Variants in TBC1D1 observed in about 807,000 individuals in gnomAD.
TBC1D1 encodes the protein TBC1 domain family member 1.
TBC1D1 carries 89 observed loss-of-function variants against 125.6 expected under a neutral mutation model. That is an observed-to-expected ratio of 0.71 (90% confidence interval 0.60 to 0.85). The LOEUF (loss-of-function observed/expected upper bound fraction) is 0.85. TBC1D1 is among the 40% of genes least tolerant of loss of function. The pLI is 0.00. For synonymous variants in TBC1D1, 565 were observed against 564.1 expected (o/e 1.00, Z -0.02); for missense variants, 1,377 against 1,469.2 (o/e 0.94, Z 1.03).
At chr4:38,098,107 T>C (rs1309649976) in intron 14 of TBC1D1, among the ~76,000 whole-genome samples, 3 of 152,228 alleles carry the variant, frequency 2.0e-5, no homozygotes, top group African/African-American at 4.8e-5. Flanking sequence ...AGTGTGACTT[T>C]AGCAGGTACC....
intron 2 of TBC1D1, among the ~76,000 whole-genome samples, chr4:37,950,275 T>G (rs958648071): frequency 1.3e-5 from 2 of 152,146 alleles, no homozygotes; most frequent in Non-Finnish European, 2.9e-5. Context: ...GTAAAATGGG[T>G]ATTGTCACAG....
chr4:38,075,041 G>A (rs1468165660), intron 12 of TBC1D1, among the ~76,000 whole-genome samples: 2 of 152,162 alleles, frequency 1.3e-5, no homozygotes, highest in African/African-American at 4.8e-5. Flanking sequence ...TTACAGGCGT[G>A]AGCCACCGCG....
intron 12 of TBC1D1, among the ~76,000 whole-genome samples, chr4:38,056,491 G>A (rs1352807314): frequency 6.6e-6 from 1 of 152,142 alleles, no homozygotes; most frequent in Non-Finnish European, 1.5e-5. Flanking sequence ...TGTCCTTTGG[G>A]ATATGAACCA....
chr4:38,087,795 A>G (rs1169915813), intron 12 of TBC1D1, among the ~76,000 whole-genome samples: 4 of 146,536 alleles, frequency 2.7e-5, no homozygotes, highest in Non-Finnish European at 3.0e-5. Context: ...GCAGTGAGCC[A>G]AGATTGCGCC....
intron 18 of TBC1D1, among the ~76,000 whole-genome samples, chr4:38,128,811 A>G (rs1354513920): frequency 6.6e-6 from 1 of 152,234 alleles, no homozygotes; most frequent in Non-Finnish European, 1.5e-5. Context: ...TAAACCATCT[A>G]CATCTTCTGA....
intron 14 of TBC1D1, among the ~76,000 whole-genome samples, chr4:38,098,288 AAAAG>A (rs1280261734): frequency 3.3e-5 from 5 of 152,374 alleles, no homozygotes. Flanking sequence ...GAAAGCAGAG[AAAAG>A]AATGAGTCTG....
At chr4:38,067,691 G>A (rs6857815) in intron 12 of TBC1D1, among the ~76,000 whole-genome samples, 6,652 of 152,286 alleles carry the variant, frequency 0.044, 194 homozygotes, top group South Asian at 0.082. Context: ...AACCCATATG[G>A]ACCACATTCT....
intron 13 of TBC1D1, among the ~76,000 whole-genome samples, chr4:38,094,433 G>A (rs1000851923): frequency 9.2e-5 from 14 of 152,298 alleles, no homozygotes; most frequent in African/African-American, 3.4e-4. Flanking sequence ...GGGTGTGTGG[G>A]GGTCTTATTT....
intron 15 of TBC1D1, among the ~76,000 whole-genome samples, chr4:38,104,517 T>C (rs1760932784): frequency 6.6e-6 from 1 of 152,236 alleles, no homozygotes; most frequent in African/African-American, 2.4e-5. Flanking sequence ...TGGGCCCTGC[T>C]GCTTTTAGAG....
chr4:37,966,435 G>A (rs997579133), intron 2 of TBC1D1, among the ~76,000 whole-genome samples: 10 of 152,188 alleles, frequency 6.6e-5, no homozygotes, highest in South Asian at 6.2e-4. Context: ...AAAAAACTGA[G>A]TGGGATCCCC....
intron 2 of TBC1D1, among the ~76,000 whole-genome samples, chr4:38,011,000 G>C (rs1180746762): frequency 1.3e-5 from 2 of 152,148 alleles, no homozygotes; most frequent in Non-Finnish European, 2.9e-5. Flanking sequence ...AGAGTTAGAA[G>C]GATAAAGAAT....
chr4:38,073,821 C>G (rs1333568341), intron 12 of TBC1D1, among the ~76,000 whole-genome samples: 1 of 152,136 alleles, frequency 6.6e-6, no homozygotes, highest in Non-Finnish European at 1.5e-5. Context: ...TAATAGGGGT[C>G]TGAAGGAAGG....
At position 38,021,643 on chromosome 4, in the gene TBC1D1, A is replaced by T. The variant is rs764561041; in HGVS notation, c.1135A>T (p.Thr379Ser). 6.3e-7 allele frequency: 1 copy of T among 1,597,718 alleles called. No homozygotes were observed. Among genetic ancestry groups the T allele is most frequent in the Non-Finnish European group, 8.5e-7 (1 of 1,172,746 alleles). ...CTTCACGGTGGCCGCAGTGCAGCAG[A>T]CAGCTAAGGCGCCAGCCCAGCTGTG... Residue 379 changes from threonine to serine, a missense_variant, in exon 6 of 20, where the codon ACA (threonine) becomes TCA (serine). Transcript: ENST00000261439.
intron 2 of TBC1D1, among the ~76,000 whole-genome samples, chr4:38,009,809 AT>A (rs1340843529): frequency 6.6e-6 from 1 of 152,180 alleles, no homozygotes; most frequent in Non-Finnish European, 1.5e-5. Flanking sequence ...GAGGAGTTTA[AT>A]TTTTATGTAT....
At chr4:37,962,697 C>G (rs1730289756) in intron 2 of TBC1D1, among the ~76,000 whole-genome samples, 1 of 152,104 alleles carries the variant, frequency 6.6e-6, no homozygotes, top group African/African-American at 2.4e-5. Flanking sequence ...CTTTGCAGTT[C>G]TAATATCCTG....
intron 2 of TBC1D1, among the ~76,000 whole-genome samples, chr4:37,994,625 G>A (rs11931051): frequency 0.19 from 27,856 of 143,028 alleles, 3,297 homozygotes; most frequent in African/African-American, 0.36. Context: ...AGGCATTTTT[G>A]TCTTCTTCCC....
At chr4:38,117,081 T>C (rs1340327784) in intron 16 of TBC1D1, among the ~76,000 whole-genome samples, 2 of 152,174 alleles carry the variant, frequency 1.3e-5, no homozygotes. Flanking sequence ...AATTTTTGAG[T>C]TTTCTATAAT....
At chr4:37,947,500 A>G (rs1005227513) in intron 2 of TBC1D1, among the ~76,000 whole-genome samples, 1 of 151,976 alleles carries the variant, frequency 6.6e-6, no homozygotes, top group African/African-American at 2.4e-5. Context: ...TCACTCTGTC[A>G]TCCAGGCTGG....
intron 12 of TBC1D1, among the ~76,000 whole-genome samples, chr4:38,076,292 A>T (rs1188692031): frequency 1.3e-5 from 2 of 152,206 alleles, no homozygotes; most frequent in Non-Finnish European, 2.9e-5. Flanking sequence ...TGAGAACAGG[A>T]TGGGGGAAAC....
Sources: allele counts gnomAD v4.1 joint callset (sites outside exome capture counted in the v4.1 genomes callset), GRCh38; gene constraint gnomAD v4.1.1; transcripts MANE v1.5; gene names NCBI Gene and HGNC (gene_info 2026-07-23, HGNC 2026-07-21).